FSTL5: variants seen among roughly 807,000 people sequenced by gnomAD.
FSTL5 encodes the protein follistatin like 5, also known as follistatin-related protein 5.
Under a neutral mutation model 89.1 loss-of-function variants are expected in FSTL5, and 62 were observed. That is an observed-to-expected ratio of 0.70 (90% CI 0.57 to 0.86). FSTL5 has a LOEUF of 0.86. FSTL5 is among the 40% of genes least tolerant of loss of function. The pLI, the probability that FSTL5 is intolerant of heterozygous loss-of-function variation, is 0.00. For missense variants in FSTL5, 1,057 were observed against 1,001.6 expected, an observed-to-expected ratio of 1.06 and a Z score of -0.75; for synonymous variants, 383 against 346.2, an observed-to-expected ratio of 1.11 and a Z score of -1.18.
intron 7 of FSTL5, among the ~76,000 whole-genome samples, chr4:161,633,327 A>ATTC: frequency 7.0e-6 from 1 of 143,126 alleles, no homozygotes; most frequent in Admixed American, 7.0e-5. Context: ...TATTATTATT[A>ATTC]TACTTTACAT....
At chr4:161,978,286 G>T (rs1373722070) in intron 3 of FSTL5, among the ~76,000 whole-genome samples, 2 of 152,036 alleles carry the variant, frequency 1.3e-5, no homozygotes, top group East Asian at 3.9e-4. Context: ...TGATTATAAG[G>T]TATTGATGTT....
intron 9 of FSTL5, among the ~76,000 whole-genome samples, chr4:161,539,315 G>A (rs959553586): frequency 6.6e-6 from 1 of 151,950 alleles, no homozygotes; most frequent in Non-Finnish European, 1.5e-5. Context: ...TAATCAGTGT[G>A]GTTTGGGAAA....
chr4:161,421,191 A>G (rs149764014), intron 15 of FSTL5, among the ~76,000 whole-genome samples: 7,162 of 152,000 alleles, frequency 0.047, 429 homozygotes, highest in East Asian at 0.19. Flanking sequence ...ATACAAAAAC[A>G]TTAGCCGGGC....
In FSTL5 at chr4:161,824,486, G is replaced by C. The variant is rs1730604432; in HGVS notation, c.410-48412C>G. 3.3e-5 allele frequency among the ~76,000 whole-genome samples: 5 copies of C among 152,164 alleles called. No individual in the cohort carries two copies. In the South Asian group the frequency reaches 1.0e-3, roughly 32 times the overall value. On this transcript the variant is annotated intron_variant, in intron 4 of 15. Transcript: ENST00000306100. ...GTTCTTTTTGCTTAGTCTTGCTTTGGCTATGTGGGTTCTTTTTTGGTTTCA... is the reference window on the plus strand; with the variant it reads ...GTTCTTTTTGCTTAGTCTTGCTTTGCCTATGTGGGTTCTTTTTTGGTTTCA...
At chr4:162,026,304 CTTT>C (rs397996028) in intron 3 of FSTL5, among the ~76,000 whole-genome samples, 2 of 79,480 alleles carry the variant, frequency 2.5e-5, no homozygotes, top group Admixed American at 2.2e-4. Flanking sequence ...TATGTATTTT[CTTT>C]TTTTTTTTTT....
intron 6 of FSTL5, among the ~76,000 whole-genome samples, chr4:161,736,155 C>T (rs1343279425): frequency 1.3e-5 from 2 of 151,970 alleles, no homozygotes; most frequent in Non-Finnish European, 2.9e-5. Flanking sequence ...AATCCTATCC[C>T]AACATTTGTA....
chr4:161,937,142 G>T (rs1734455401), intron 3 of FSTL5, among the ~76,000 whole-genome samples: 1 of 151,934 alleles, frequency 6.6e-6, no homozygotes, highest in Non-Finnish European at 1.5e-5. Context: ...AAAAAATACT[G>T]TAAAAACACA....
chr4:162,050,025 C>T (rs1378269417), intron 2 of FSTL5, among the ~76,000 whole-genome samples: 1 of 150,130 alleles, frequency 6.7e-6, no homozygotes, highest in African/African-American at 2.4e-5. Context: ...GAACATATAT[C>T]AAAAAAGTTA....
chr4:161,680,331 T>C (rs1737472297), intron 6 of FSTL5, among the ~76,000 whole-genome samples: 1 of 151,908 alleles, frequency 6.6e-6, no homozygotes. Context: ...CCTAGTCATC[T>C]TGTCTCAATC....
At position 161,476,344 on chromosome 4, in the gene FSTL5, C is replaced by T. The variant is rs540964175; in HGVS notation, c.1608+4676G>A. 2.3e-3 allele frequency among the ~76,000 whole-genome samples: 351 copies of T among 151,956 alleles called. 1 individual carries two copies. Among genetic ancestry groups the T allele is most frequent in the Admixed American group, 3.7e-3 (57 of 15,266 alleles). On this transcript the variant is annotated intron_variant, in intron 13 of 15. Transcript: ENST00000306100. ...CCGGGATTACAGGCATGCGCCACCA[C>T]GCCTGGCTAATTTTGTATTTTTAGT...
chr4:161,668,588 C>T (rs1736977570), intron 6 of FSTL5, among the ~76,000 whole-genome samples: 1 of 152,122 alleles, frequency 6.6e-6, no homozygotes. Context: ...AAAAATATCT[C>T]TTCTAGGCAT....
intron 1 of FSTL5, among the ~76,000 whole-genome samples, chr4:162,117,276 T>C (rs968826090): frequency 6.6e-6 from 1 of 152,206 alleles, no homozygotes; most frequent in Non-Finnish European, 1.5e-5. Context: ...TCCAATATAG[T>C]GTAGCACCTG....
At chr4:161,495,719 G>T (rs1730044979) in intron 12 of FSTL5, among the ~76,000 whole-genome samples, 1 of 152,042 alleles carries the variant, frequency 6.6e-6, no homozygotes, top group South Asian at 2.1e-4. Flanking sequence ...AAACTTTACT[G>T]ATCAATGAGT....
intron 4 of FSTL5, among the ~76,000 whole-genome samples, chr4:161,804,775 G>A (rs1055656136): frequency 2.0e-5 from 3 of 151,988 alleles, no homozygotes; most frequent in Non-Finnish European, 2.9e-5. Flanking sequence ...ATTACGAAGG[G>A]ACTCTTAAGA....
At chr4:161,986,572 G>A (rs1370022786) in intron 3 of FSTL5, among the ~76,000 whole-genome samples, 1 of 152,100 alleles carries the variant, frequency 6.6e-6, no homozygotes, top group Non-Finnish European at 1.5e-5. Flanking sequence ...TAATAAAATA[G>A]AGGAATATGT....
intron 13 of FSTL5, among the ~76,000 whole-genome samples, chr4:161,475,613 C>T (rs6832611): frequency 0.58 from 88,578 of 151,594 alleles, 25,965 homozygotes; most frequent in East Asian, 0.81. Context: ...TCTTTACTAA[C>T]ATTTCCATTT....
intron 3 of FSTL5, among the ~76,000 whole-genome samples, chr4:162,018,351 A>G (rs1736977146): frequency 6.6e-6 from 1 of 152,182 alleles, no homozygotes; most frequent in Non-Finnish European, 1.5e-5. Context: ...TACTTCACCC[A>G]AACAGCATAA....
chr4:161,789,124 C>T (rs1257884303), intron 4 of FSTL5, among the ~76,000 whole-genome samples: 1 of 152,056 alleles, frequency 6.6e-6, no homozygotes, highest in African/African-American at 2.4e-5. Context: ...TGTATCTATA[C>T]ACTAACACAA....
At chr4:162,055,945 T>C (rs1738528743) in intron 2 of FSTL5, among the ~76,000 whole-genome samples, 1 of 151,892 alleles carries the variant, frequency 6.6e-6, no homozygotes, top group Admixed American at 6.6e-5. Flanking sequence ...AGAATAATAA[T>C]ATTTAGTTCA....
Sources: gnomAD v4.1 joint callset for allele counts (sites outside exome capture counted in the v4.1 genomes callset) on GRCh38, gnomAD v4.1.1 for gene constraint, MANE v1.5 for transcripts, NCBI Gene and HGNC (gene_info 2026-07-23, HGNC 2026-07-21) for gene names.